The following TMEM14B variants were observed in gnomAD, a reference collection of about 807,000 sequenced individuals.
TMEM14B encodes transmembrane protein 14B.
TMEM14B carries 9 observed loss-of-function variants against 14.8 expected under a neutral mutation model. That is an observed-to-expected ratio of 0.61 (90% CI 0.37 to 1.06). The LOEUF is 1.06. TMEM14B is among the 50% of genes least tolerant of loss of function. The pLI is 0.01. For missense variants in TMEM14B, 128 were observed against 143.6 expected (o/e 0.89, Z 0.56); for synonymous variants, 40 against 51.3 (o/e 0.78, Z 0.94).
intron 4 of TMEM14B, 123 bp downstream of exon 4, chr6:10,751,357 CTCCAAG>C (rs1250864488): frequency 8.2e-6 from 9 of 1,094,504 alleles, no homozygotes; most frequent in Admixed American, 4.9e-5. Context: ...TTCACTGCTT[CTCCAAG>C]TCCAAGTCCT....
At chr6:10,754,873 A>G (rs780721939) in intron 4 of TMEM14B, among the ~76,000 whole-genome samples, 7 of 152,194 alleles carry the variant, frequency 4.6e-5, no homozygotes, top group Non-Finnish European at 8.8e-5. Flanking sequence ...TAACACATTG[A>G]TGGCTAAAGT....
At chr6:10,758,909 C>CTTTTTTTTTTT (rs34333457), downstream of TMEM14B, 2 of 102,854 alleles carry the variant, frequency 1.9e-5, no homozygotes, top group Non-Finnish European at 3.7e-5. Context: ...AGATCTAATT[C>CTTTTTTTTTTT]TTTTTTTTTT....
intron 4 of TMEM14B, among the ~76,000 whole-genome samples, chr6:10,753,278 G>T (rs1407176328): frequency 6.6e-6 from 1 of 152,010 alleles, no homozygotes; most frequent in Non-Finnish European, 1.5e-5. Flanking sequence ...CATCACACAT[G>T]ATCAGCCCAT....
Position 10,756,561 on chromosome 6 carries a change from C to T in TMEM14B, c.*43C>T. ...CTTGGACTCATGAAGGATTAAAAAT[C>T]TGCATCTTCCACTATTTTCAATGTA... On this transcript the variant is annotated 3_prime_UTR_variant, in exon 6 of 6. Transcript: ENST00000379542. The T allele has an allele frequency of 2.5e-6, 4 of 1,597,132 alleles. No individual in the cohort carries two copies. Among genetic ancestry groups the T allele is most frequent in the Non-Finnish European group, 2.6e-6 (3 of 1,174,368 alleles).
In TMEM14B at chr6:10,747,895, T is replaced by G. The variant is rs1771389356; in HGVS notation, c.-45+14T>G. 6.6e-6 allele frequency: 1 copy of G among 152,318 alleles called. No homozygotes were observed. Among genetic ancestry groups the G allele is most frequent in the African/African-American group, 2.4e-5 (1 of 41,476 alleles). The allele number at this position is 152,318 out of a possible 1,614,324, so 9.4% of individuals were successfully genotyped here. A position where few individuals can be genotyped will look rare whatever the true frequency, so the allele number is the denominator to read the frequency against. On this transcript the variant is annotated intron_variant, in intron 1 of 5. Transcript: ENST00000379542. ...GGCCTTCGGCAGGTCGGTGCAGGTC[T>G]TTGGAGAGTATTGTTTTTATTTTCT...
chr6:10,755,073 C>A, intron 4 of TMEM14B, 69 bp from the exon 5 acceptor site: 1 of 1,522,552 alleles, frequency 6.6e-7, no homozygotes, highest in Non-Finnish European at 9.0e-7. Context: ...ATTGGTGGGG[C>A]TTGGTCTACT....
chr6:10,755,559 T>G, intron 5 of TMEM14B: 1 of 1,297,954 alleles, frequency 7.7e-7, no homozygotes, highest in Non-Finnish European at 9.7e-7. Flanking sequence ...TTCTTAGGTG[T>G]GTAGGTGTCT....
chr6:10,749,397 C>G, intron 2 of TMEM14B, 129 bp downstream of exon 2: 1 of 1,279,118 alleles, frequency 7.8e-7, no homozygotes, highest in Non-Finnish European at 1.1e-6. Flanking sequence ...ATCACTGGAC[C>G]TGTGGGCCAG....
Position 10,751,167 on chromosome 6 carries a change from C to T in TMEM14B, c.135C>T (p.Phe45=), listed in dbSNP as rs115801751. ...SVPSLAAGLL[F]GSLAGLGAYQ... ...CGTCCCTGGCTGCAGGGCTGCTCTT[C>T]GGCAGTCTAGCCGGCCTGGGTGCTT... Residue 45 remains phenylalanine, a synonymous_variant, in exon 4 of 6, where the codon TTC becomes TTT. Transcript: ENST00000379542. 4,201 of 1,613,918 alleles carry T rather than the reference C, an allele frequency of 2.6e-3. 6 individuals carry two copies. The highest frequency in any genetic ancestry group is 3.3e-3 in the Non-Finnish European group (3,922 of 1,180,016).
chr6:10,749,786 T>A (rs1771478131), intron 3 of TMEM14B, 88 bp downstream of exon 3: 1 of 1,521,374 alleles, frequency 6.6e-7, no homozygotes, highest in Non-Finnish European at 9.1e-7. Context: ...AGCAATCTCG[T>A]TTGACTCAGC....
chr6:10,752,483 G>T (rs1019376863), intron 4 of TMEM14B, among the ~76,000 whole-genome samples: 1 of 135,174 alleles, frequency 7.4e-6, no homozygotes, highest in African/African-American at 2.9e-5. Flanking sequence ...TTGAGACGGA[G>T]TCTCACTGTG....
intron 4 of TMEM14B, 25 bp downstream of exon 4, chr6:10,751,259 A>G (rs1156488946): frequency 1.1e-5 from 17 of 1,612,262 alleles, no homozygotes; most frequent in East Asian, 6.7e-5. Context: ...GCGTCTCCTT[A>G]GGGCAATCAT....
rs748197607 is a variant in TMEM14B, at chr6:10,749,610, T to C, written c.24-12T>C. Reference sequence around the variant, plus strand: ...AGCACTGACTTCTCACTGACTTCTCTTGTGTTTTCAGAGTGCCTTTGCATT... The same window carrying C: ...AGCACTGACTTCTCACTGACTTCTCCTGTGTTTTCAGAGTGCCTTTGCATT... On this transcript the variant is annotated splice_polypyrimidine_tract_variant and intron_variant, in intron 2 of 5. Coordinates refer to ENST00000379542, the MANE Select transcript of TMEM14B (RefSeq NM_030969.5). 2 of 1,614,242 alleles carry C rather than the reference T, an allele frequency of 1.2e-6. No individual in the cohort carries two copies. The highest frequency in any genetic ancestry group is 3.3e-5 in the Admixed American group (2 of 60,034).
chr6:10,755,770 C>T (rs1771781462), intron 5 of TMEM14B: 6 of 576,956 alleles, frequency 1.0e-5, no homozygotes, highest in Non-Finnish European at 1.3e-5. Context: ...GCCTGGCCAA[C>T]ATGGTGAAAC....
chr6:10,758,252 T>A (rs547253345), downstream of TMEM14B, among the ~76,000 whole-genome samples: 16 of 152,300 alleles, frequency 1.1e-4, 1 homozygote, highest in South Asian at 1.9e-3. Flanking sequence ...GGCCATTTTT[T>A]CATGTGTCAT....
chr6:10,755,040 G>A, intron 4 of TMEM14B, 102 bp from the exon 5 acceptor site: 1 of 1,241,768 alleles, frequency 8.1e-7, no homozygotes, highest in Non-Finnish European at 1.1e-6. Flanking sequence ...AATAAGCATA[G>A]GATGAGGCGT....
intron 4 of TMEM14B, among the ~76,000 whole-genome samples, chr6:10,754,557 C>G (rs1024237734): frequency 3.3e-5 from 5 of 152,236 alleles, no homozygotes; most frequent in Non-Finnish European, 7.3e-5. Context: ...AGCATGATCT[C>G]CCTGAATAGG....
In TMEM14B at chr6:10,749,266, A is replaced by T. The variant is rs545833554; in HGVS notation, c.21A>T (p.Pro7=). The change falls in exon 2 of 6, where the codon CCA becomes CCT. Residue 7 remains proline, a splice_region_variant and synonymous_variant. Coordinates refer to ENST00000379542, the MANE Select transcript of TMEM14B (RefSeq NM_030969.5). ...GAAGAATGGAGAAGCCCCTCTTCCCATTGTGAGTAGACAGTAAATGGTTAG... is the reference window on the plus strand; with the variant it reads ...GAAGAATGGAGAAGCCCCTCTTCCCTTTGTGAGTAGACAGTAAATGGTTAG... MEKPLF[P]LVPLHWFGFG... The T allele has an allele frequency of 1.2e-6, 2 of 1,614,076 alleles. No homozygotes were observed. The highest frequency in any genetic ancestry group is 1.1e-5 in the South Asian group (1 of 91,084).
rs1207765093 is a variant in TMEM14B at position 10,755,204 on chromosome 6, A to C, written c.265A>C (p.Met89Leu). ...GMRSYYYGKFMPVGLIAGASL... is the reference protein window; with the variant it reads ...GMRSYYYGKFLPVGLIAGASL... ...GAGATCCTACTACTATGGAAAATTC[A>C]TGCCTGTAGGTTTAATTGCAGGTGC... is the stretch of plus-strand genomic sequence containing the variant. The change falls in exon 5 of 6, where the codon ATG becomes CTG. Residue 89 changes from methionine (M) to leucine (L), a missense_variant. Transcript: ENST00000379542. 6.2e-7 allele frequency: 1 copy of C among 1,614,066 alleles called. No individual in the cohort carries two copies. The highest frequency in any genetic ancestry group is 1.3e-5 in the African/African-American group (1 of 74,936).
Sources: gnomAD v4.1 joint callset for allele counts (sites outside exome capture counted in the v4.1 genomes callset) on GRCh38, gnomAD v4.1.1 for gene constraint, MANE v1.5 for transcripts, NCBI Gene and HGNC (gene_info 2026-07-23, HGNC 2026-07-21) for gene names.